The following TPSD1 variants were observed in gnomAD, a reference collection of about 807,000 sequenced individuals.
TPSD1 encodes tryptase delta.
A neutral mutation model predicts 25.4 loss-of-function variants in TPSD1; 30 were observed. The ratio of observed to expected loss-of-function variants is 1.18; its 90% CI spans 0.88 to 1.60. The LOEUF is 1.60. Ranked by LOEUF, TPSD1 falls within the 40% of genes most tolerant of loss-of-function variation. The probability of loss-of-function intolerance (pLI) is 0.00; values close to 1 mark genes in which losing one functional copy is unlikely to be tolerated. For synonymous variants in TPSD1, 176 were observed against 149.4 expected, an observed-to-expected ratio of 1.18 and a Z score of -1.30; for missense variants, 420 against 324.2, an observed-to-expected ratio of 1.30 and a Z score of -2.27.
At chr16:1,257,243 A>G (rs1299990057) in intron 3 of TPSD1, 181 bp downstream of exon 3, 2 of 862,808 alleles carry the variant, frequency 2.3e-6, no homozygotes, top group African/African-American at 3.4e-5. Context: ...GGTGAGTCCA[A>G]AGGGCCTGGG....
chr16:1,257,755 A>C (rs1322806844), intron 3 of TPSD1, among the ~76,000 whole-genome samples: 1 of 152,126 alleles, frequency 6.6e-6, no homozygotes, highest in African/African-American at 2.4e-5. Flanking sequence ...CCCAGACGAA[A>C]GTCAGCTGAG....
intron 3 of TPSD1, chr16:1,257,328 AT>A: frequency 1.8e-6 from 1 of 560,842 alleles, no homozygotes; most frequent in Non-Finnish European, 3.2e-6. Flanking sequence ...GAAAGGGTGC[AT>A]CAAAAGTTTG....
chr16:1,256,890 G>A lies in TPSD1; in HGVS notation c.348G>A (p.Val116=), dbSNP rs1452203527. 1.9e-6 allele frequency: 3 copies of A among 1,613,846 alleles called. No individual in the cohort carries two copies. The highest frequency in any genetic ancestry group is 1.3e-5 in the African/African-American group (1 of 75,056). ...DQLLPVSRII[V]HPQFYIIQTG... The stretch of plus-strand genomic sequence containing the variant: ...TGCTGCCGGTCAGCAGGATCATCGT[G>A]CACCCACAGTTCTACATCATCCAGA... Residue 116 remains valine, a synonymous_variant, in exon 3 of 5, where the codon GTG becomes GTA. Coordinates refer to ENST00000211076, the MANE Select transcript of TPSD1 (RefSeq NM_012217.3).
Position 1,256,963 on chromosome 16 carries a change from T to G in TPSD1, c.421T>G (p.Ser141Ala), listed in dbSNP as rs202181633. 1 of 1,612,188 alleles carries G rather than the reference T, an allele frequency of 6.2e-7. No homozygotes were observed. The highest frequency in any genetic ancestry group is 1.3e-5 in the African/African-American group (1 of 75,014). The change falls in exon 3 of 5, where the codon TCC (serine) becomes GCC (alanine). Residue 141 changes from serine (S) to alanine (A), a missense_variant. Physicochemically the swap from Ser to Ala is moderately conservative, Grantham distance 99. Transcript: ENST00000211076. The part of the protein sequence containing the change: ...LLELEEPVNI[S>A]SHIHTVTLPP... ...GGAGCTGGAGGAGCCCGTGAACATC[T>G]CCAGCCACATCCACACGGTCACGCT...
At chr16:1,257,627 G>A (rs2031003507) in intron 3 of TPSD1, among the ~76,000 whole-genome samples, 2 of 152,210 alleles carry the variant, frequency 1.3e-5, no homozygotes, top group African/African-American at 4.8e-5. Context: ...TGTGACCTCT[G>A]GGTCACTCAG....
chr16:1,257,155 C>T (rs1469435531), intron 3 of TPSD1, 93 bp downstream of exon 3: 1 of 1,470,912 alleles, frequency 6.8e-7, no homozygotes, highest in Non-Finnish European at 9.0e-7. Flanking sequence ...CTCAGGGCGG[C>T]TCAGGGAGGG....
In TPSD1 at chr16:1,256,526, G is replaced by A. The variant is rs766530965; in HGVS notation, c.93G>A (p.Gln31=). 2 of 1,609,040 alleles carry A rather than the reference G, an allele frequency of 1.2e-6. No homozygotes were observed. Among genetic ancestry groups the A allele is most frequent in the African/African-American group, 1.3e-5 (1 of 74,426 alleles). The change falls in exon 2 of 5, where the codon CAG becomes CAA. Residue 31 remains glutamine (Q), a synonymous_variant. Coordinates refer to ENST00000211076, the MANE Select transcript of TPSD1 (RefSeq NM_012217.3). ...SPAYVAPAPG[Q]ALQQTGIVGG... ...TGGCACCTGCCCCAGCCCCAGGCCA[G>A]GCCCTGCAGCAAACGGGCATTGTTG...
Position 1,258,372 on chromosome 16 carries a change from C to T in TPSD1, c.725C>T (p.Thr242Ile), listed in dbSNP as rs760418145. The T allele has an allele frequency of 4.3e-6, 7 of 1,609,922 alleles. No homozygotes were observed. The highest frequency in any genetic ancestry group is 5.1e-6 in the Non-Finnish European group (6 of 1,179,890). ...GGPLVCKVNG[T>I] ...CCCCTGGTCTGCAAGGTGAATGGCA[C>T]CTAACTGCAGGCGGGCGTGGTCAGC... The change falls in exon 5 of 5, where the codon ACC (threonine) becomes ATC (isoleucine). Residue 242 changes from threonine to isoleucine, a missense_variant. Thr to Ile is a moderately conservative substitution (Grantham distance 89). Transcript: ENST00000211076.
intron 3 of TPSD1, 35 bp from the exon 4 acceptor site, chr16:1,258,024 C>G: frequency 6.4e-7 from 1 of 1,550,394 alleles, no homozygotes. Flanking sequence ...CCCAGCCGGC[C>G]CCAGACCCGG....
Position 1,257,046 on chromosome 16 carries a change from C to A in TPSD1, c.504C>A (p.Gly168=). Residue 168 remains glycine, a synonymous_variant, in exon 3 of 5, where the codon GGC becomes GGA. Transcript: ENST00000211076. ...TGCCGTGCTGGGTCACTGGCTGGGG[C>A]GACGTGGACAATAATGGTGGGTGTT... ...PGMPCWVTGW[G]DVDNNVHLPP... is the part of the protein sequence containing the mutation. The A allele has an allele frequency of 1.2e-6, 2 of 1,610,372 alleles. No homozygotes were observed. The highest frequency in any genetic ancestry group is 1.7e-6 in the Non-Finnish European group (2 of 1,178,732).
chr16:1,257,216 G>C, intron 3 of TPSD1, 154 bp downstream of exon 3: 1 of 1,124,496 alleles, frequency 8.9e-7, no homozygotes, highest in Non-Finnish European at 1.2e-6. Context: ...GAGGCAGCAG[G>C]TGCCCTGAGC....
rs760826426 is a variant in TPSD1 at position 1,257,002 on chromosome 16, G to T, written c.460G>T (p.Glu154Ter). The T allele has an allele frequency of 6.2e-7, 1 of 1,613,538 alleles. No homozygotes were observed. The highest frequency in any genetic ancestry group is 8.5e-7 in the Non-Finnish European group (1 of 1,179,842). ...IHTVTLPPAS[E>*]TFPPGMPCWV... ...CACGGTCACGCTGCCCCCTGCCTCG[G>T]AGACCTTCCCCCCGGGGATGCCGTG... Residue 154 changes from glutamate (E) to a stop codon, truncating the protein, a stop_gained, in exon 3 of 5, where the codon GAG becomes TAG. Coordinates refer to ENST00000211076, the MANE Select transcript of TPSD1 (RefSeq NM_012217.3). LOFTEE classifies it high-confidence loss of function.
At position 1,258,346 on chromosome 16, in the gene TPSD1, G is replaced by A. The variant is rs1332323067; in HGVS notation, c.699G>A (p.Gly233=). 2 of 1,613,612 alleles carry A rather than the reference G, an allele frequency of 1.2e-6. No individual in the cohort carries two copies. Among genetic ancestry groups the A allele is most frequent in the Non-Finnish European group, 8.5e-7 (1 of 1,179,890 alleles). Residue 233 remains glycine, a synonymous_variant, in exon 5 of 5, where the codon GGG becomes GGA. Coordinates refer to ENST00000211076, the MANE Select transcript of TPSD1 (RefSeq NM_012217.3). ...GACCTTCCCAGGGTGACTCTGGAGGGCCCCTGGTCTGCAAGGTGAATGGCA... is the reference window on the plus strand; with the variant it reads ...GACCTTCCCAGGGTGACTCTGGAGGACCCCTGGTCTGCAAGGTGAATGGCA... ...NHDSCQGDSG[G]PLVCKVNGT
rs1210485923 is a variant in TPSD1, at chr16:1,256,910, T to C, written c.368T>C (p.Ile123Thr). 6.2e-7 allele frequency: 1 copy of C among 1,613,932 alleles called. No homozygotes were observed. The highest frequency in any genetic ancestry group is 1.7e-5 in the Admixed American group (1 of 60,026). The change falls in exon 3 of 5, where the codon ATC becomes ACC. Residue 123 changes from isoleucine (I) to threonine (T), a missense_variant. Ile to Thr is a moderately conservative substitution (Grantham distance 89). Transcript: ENST00000211076. ...RIIVHPQFYI[I>T]QTGADIALLE... ...ATCGTGCACCCACAGTTCTACATCA[T>C]CCAGACCGGGGCGGACATCGCCCTG...
At position 1,258,065 on chromosome 16, in the gene TPSD1, TGCC is replaced by T. The variant is rs1567578372; in HGVS notation, c.534_536del (p.Pro179del). 2 of 1,576,960 alleles carry T rather than the reference TGCC, an allele frequency of 1.3e-6. No individual in the cohort carries two copies. The highest frequency in any genetic ancestry group is 2.3e-5 in the South Asian group (2 of 86,916). On this transcript the variant is annotated inframe_deletion, in exon 4 of 5. Coordinates refer to ENST00000211076, the MANE Select transcript of TPSD1 (RefSeq NM_012217.3). Reference sequence around the variant, plus strand: ...CGCCCCCCTCCGCCCCCAGTGCACCTGCCGCCGCCATACCCGCTGAAGGAGGTG... The same window carrying T: ...CGCCCCCCTCCGCCCCCAGTGCACCTGCCGCCATACCCGCTGAAGGAGGTG...
chr16:1,258,349 C>A lies in TPSD1; in HGVS notation c.702C>A (p.Pro234=). 6.2e-7 allele frequency: 1 copy of A among 1,613,418 alleles called. No homozygotes were observed. Among genetic ancestry groups the A allele is most frequent in the Non-Finnish European group, 8.5e-7 (1 of 1,179,886 alleles). The change falls in exon 5 of 5, where the codon CCC becomes CCA. Residue 234 remains proline, a synonymous_variant. Transcript: ENST00000211076. ...HDSCQGDSGG[P]LVCKVNGT is the part of the protein sequence containing the mutation. The stretch of plus-strand genomic sequence containing the variant: ...CTTCCCAGGGTGACTCTGGAGGGCC[C>A]CTGGTCTGCAAGGTGAATGGCACCT...
chr16:1,257,873 A>G, intron 3 of TPSD1, 186 bp from the exon 4 acceptor site: 1 of 667,410 alleles, frequency 1.5e-6, no homozygotes. Flanking sequence ...AAATGAGGCC[A>G]GGGACCCAGG....
chr16:1,256,686 C>T lies in TPSD1; in HGVS notation c.253C>T (p.Pro85Ser). Residue 85 changes from proline (P) to serine (S), a missense_variant and splice_region_variant, in exon 2 of 5, where the codon CCG becomes TCG. By Grantham distance (74) the Pro-to-Ser change is moderately conservative (BLOSUM62 -1). Transcript: ENST00000211076. ...WVLTAAHCVE[P>S]DIKDLAALRV... Reference sequence around the variant, plus strand: ...GCTAACCGCGGCGCACTGCGTGGAACCGTGAGTCTCCTGGGGCCTGGAGGG... The same window carrying T: ...GCTAACCGCGGCGCACTGCGTGGAATCGTGAGTCTCCTGGGGCCTGGAGGG... 1 of 1,611,292 alleles carries T rather than the reference C, an allele frequency of 6.2e-7. No homozygotes were observed. Among genetic ancestry groups the T allele is most frequent in the Non-Finnish European group, 8.5e-7 (1 of 1,178,812 alleles).
chr16:1,256,756 G>A lies in TPSD1; in HGVS notation c.255-41G>A, dbSNP rs2030979176. The A allele has an allele frequency of 1.9e-6, 3 of 1,611,978 alleles. No individual in the cohort carries two copies. The African/African-American group carries it at 4.0e-5, about 22-fold the overall frequency. On this transcript the variant is annotated intron_variant, in intron 2 of 4. Transcript: ENST00000211076. The stretch of plus-strand genomic sequence containing the variant: ...GAGCCCTGGCTCCCGGGTGCTCCTG[G>A]GGGCTGCCCAGGGCCCTGAGTGGGA...
Sources: allele counts gnomAD v4.1 joint callset (sites outside exome capture counted in the v4.1 genomes callset), GRCh38; gene constraint gnomAD v4.1.1; transcripts MANE v1.5; gene names NCBI Gene and HGNC (gene_info 2026-07-23, HGNC 2026-07-21).